The following CFAP46 variants were observed in gnomAD, a reference collection of about 807,000 sequenced individuals.
The protein encoded by CFAP46 is cilia- and flagella-associated protein 46.
CFAP46 carries 245 observed loss-of-function variants against 325.7 expected under a neutral mutation model. The observed-to-expected ratio is 0.75, with a 90% confidence interval of 0.68 to 0.84. The LOEUF is 0.84. CFAP46 is among the 40% of genes least tolerant of loss of function. The probability of loss-of-function intolerance (pLI) is 0.00; values close to 1 mark genes in which losing one functional copy is unlikely to be tolerated. For missense variants in CFAP46, 3,346 were observed against 3,543.0 expected (o/e 0.94, Z 1.41); for synonymous variants, 1,523 against 1,495.9 (o/e 1.02, Z -0.42).
At position 132,912,834 on chromosome 10, in the gene CFAP46, T is replaced by C; in HGVS notation, c.2334-14A>G. 6.5e-7 allele frequency: 1 copy of C among 1,546,444 alleles called. No individual in the cohort carries two copies. Among genetic ancestry groups the C allele is most frequent in the Non-Finnish European group, 8.7e-7 (1 of 1,146,338 alleles). ...ATCACGGGGTCCCTGGGAGACATGC[T>C]TGTCAGAGGGAACCTTGGCCCCCGC... is the stretch of plus-strand genomic sequence containing the variant. On this transcript the variant is annotated splice_polypyrimidine_tract_variant and intron_variant, in intron 18 of 57. Coordinates refer to ENST00000368586, the MANE Select transcript of CFAP46 (RefSeq NM_001200049.3).
chr10:132,934,790 A>G lies in CFAP46; in HGVS notation c.828T>C (p.His276=), dbSNP rs1003142348. The change falls in exon 8 of 58, where the codon CAT becomes CAC. Residue 276 remains histidine, a synonymous_variant. Coordinates refer to ENST00000368586, the MANE Select transcript of CFAP46 (RefSeq NM_001200049.3). Reference sequence around the variant, plus strand: ...TAGAGGGAAAGCGCTGGTGGTTGTAATGACCTAAGTGTCTGTAGGCCTTCC... The same window carrying G: ...TAGAGGGAAAGCGCTGGTGGTTGTAGTGACCTAAGTGTCTGTAGGCCTTCC... ...ILRKAYRHLG[H]YNHQRFPSIS... 6.2e-7 allele frequency: 1 copy of G among 1,612,656 alleles called. No individual in the cohort carries two copies. Among genetic ancestry groups the G allele is most frequent in the African/African-American group, 1.3e-5 (1 of 75,018 alleles).
rs1378396070 is a variant in CFAP46 at position 132,899,591 on chromosome 10, C to A, written c.3000G>T (p.Leu1000=). Residue 1000 remains leucine (L), a synonymous_variant, in exon 23 of 58, where the codon CTG becomes CTT. Coordinates refer to ENST00000368586, the MANE Select transcript of CFAP46 (RefSeq NM_001200049.3). The stretch of plus-strand genomic sequence containing the variant: ...CCAGTCGCAGCTGCTTCCGGCCCTT[C>A]AGGTTTTCCATGATGCTCCTGCCCT... ...AIQGRSIMEN[L]KGRKQLRLVA... is the part of the protein sequence containing the mutation. 6.5e-7 allele frequency: 1 copy of A among 1,549,892 alleles called. No individual in the cohort carries two copies. The highest frequency in any genetic ancestry group is 8.7e-7 in the Non-Finnish European group (1 of 1,146,970).
chr10:132,869,266 G>A lies in CFAP46; in HGVS notation c.4610+8C>T. 3 of 1,523,752 alleles carry A rather than the reference G, an allele frequency of 2.0e-6. No individual in the cohort carries two copies. Among genetic ancestry groups the A allele is most frequent in the East Asian group, 2.5e-5 (1 of 40,088 alleles). 94.4% of individuals were successfully genotyped at this position (1,523,752 alleles called of 1,614,324 possible). On this transcript the variant is annotated splice_region_variant and intron_variant, in intron 33 of 57. Coordinates refer to ENST00000368586, the MANE Select transcript of CFAP46 (RefSeq NM_001200049.3). The surrounding 1 kb of genome is among the most constrained non-coding windows in gnomAD (Gnocchi z 6.2). ...ACCCCAGGCGGCGCAGGGTGGGACG[G>A]CACACACCTGGCCTGCTCCAGCTCG... is the stretch of plus-strand genomic sequence containing the variant.
intron 19 of CFAP46, among the ~76,000 whole-genome samples, chr10:132,910,972 G>A (rs961279908): frequency 1.3e-5 from 2 of 152,188 alleles, no homozygotes; most frequent in Non-Finnish European, 2.9e-5. Flanking sequence ...CATTCACTCC[G>A]TGTTCCCGGG....
intron 50 of CFAP46, among the ~76,000 whole-genome samples, chr10:132,821,446 ATGTGTGCTG>A (rs1445229170): frequency 2.5e-5 from 2 of 80,038 alleles, no homozygotes; most frequent in Non-Finnish European, 4.6e-5. Flanking sequence ...GTGAGTGCTG[ATGTGTGCTG>A]TGTGTGCTGA....
Position 132,871,004 on chromosome 10 carries a change from G to A in CFAP46, c.4512-1632C>T, listed in dbSNP as rs566512688. Among the ~76,000 whole-genome samples the A allele has an allele frequency of 8.7e-4, 133 of 152,300 alleles. No homozygotes were observed. The Middle Eastern group carries it at 0.01, about 12-fold the overall frequency. On this transcript the variant is annotated intron_variant, in intron 32 of 57. Transcript: ENST00000368586. ...TCTTGCTAGGGGCTAACGCAGCCGG[G>A]GACTTTGAGTTGAAGCCAATCCTCA... is the stretch of plus-strand genomic sequence containing the variant.
intron 22 of CFAP46, among the ~76,000 whole-genome samples, chr10:132,902,364 T>C (rs1338416032): frequency 7.1e-6 from 1 of 140,354 alleles, no homozygotes; most frequent in African/African-American, 3.0e-5. Context: ...GTTTTCATAG[T>C]CCACTGGCCT....
Position 132,834,090 on chromosome 10 carries a change from C to G in CFAP46, c.6900G>C (p.Gly2300=), listed in dbSNP as rs756441519. Residue 2300 remains glycine, a synonymous_variant, in exon 49 of 58, where the codon GGG becomes GGC. Transcript: ENST00000368586. ...VQTPAVVADS[G]KSKGKDKERK... ...TCTCCTTGTCTTTGCCCTTCGACTT[C>G]CCTGAATCGGCAACAACCGCAGGTG... The G allele has an allele frequency of 3.2e-5, 52 of 1,614,048 alleles. No homozygotes were observed. The highest frequency in any genetic ancestry group is 4.2e-5 in the Non-Finnish European group (50 of 1,180,016).
At chr10:132,879,691 G>T in intron 28 of CFAP46, 60 bp from the exon 29 acceptor site, 1 of 1,423,796 alleles carries the variant, frequency 7.0e-7, no homozygotes. Flanking sequence ...TGGGCCCCAG[G>T]CCACTCCCTT....
chr10:132,910,255 C>G (rs545356307), intron 19 of CFAP46, among the ~76,000 whole-genome samples, 187 bp from the exon 20 acceptor site: 1 of 152,226 alleles, frequency 6.6e-6, no homozygotes, highest in African/African-American at 2.4e-5. Flanking sequence ...CACCCCCAGA[C>G]GCCGAGGACG....
At position 132,912,641 on chromosome 10, in the gene CFAP46, C is replaced by T; in HGVS notation, c.2499+14G>A. ...TCTCTCTCTCTCTCTCTCTCGGCAT[C>T]ATGGAGGTGGTACCTCCACCGCTGT... On this transcript the variant is annotated intron_variant, in intron 19 of 57. Transcript: ENST00000368586. 1 of 1,512,004 alleles carries T rather than the reference C, an allele frequency of 6.6e-7. No homozygotes were observed. The highest frequency in any genetic ancestry group is 8.9e-7 in the Non-Finnish European group (1 of 1,124,494). 93.7% of individuals were successfully genotyped at this position (1,512,004 alleles called of 1,614,324 possible).
intron 48 of CFAP46, 44 bp from the exon 49 acceptor site, chr10:132,834,167 C>A (rs577121268): frequency 2.7e-5 from 43 of 1,586,466 alleles, no homozygotes; most frequent in Non-Finnish European, 3.5e-5. Flanking sequence ...ACAGAGATAA[C>A]AAACGCTTGG....
chr10:132,921,696 G>T (rs1014099610), intron 13 of CFAP46, among the ~76,000 whole-genome samples: 11 of 152,224 alleles, frequency 7.2e-5, no homozygotes, highest in Non-Finnish European at 1.3e-4. Flanking sequence ...TCCTTCCAAA[G>T]GGAGGAAACG....
chr10:132,870,415 G>A (rs185157668), intron 32 of CFAP46, among the ~76,000 whole-genome samples: 61 of 152,268 alleles, frequency 4.0e-4, no homozygotes, highest in African/African-American at 1.3e-3. Context: ...AGGAAAGCGC[G>A]TCAGAAGTGG....
chr10:132,861,240 C>G (rs1848717186), intron 35 of CFAP46, among the ~76,000 whole-genome samples: 1 of 152,246 alleles, frequency 6.6e-6, no homozygotes, highest in South Asian at 2.1e-4. Context: ...GCCCGCCTCC[C>G]TGCCCTCCAG....
chr10:132,849,790 G>A (rs988041872), intron 41 of CFAP46, among the ~76,000 whole-genome samples: 1 of 152,196 alleles, frequency 6.6e-6, no homozygotes, highest in East Asian at 1.9e-4. Context: ...GGCTGGCCCT[G>A]CTGTGCACTG....
At chr10:132,875,553 A>G (rs1848946250) in intron 31 of CFAP46, among the ~76,000 whole-genome samples, 1 of 152,226 alleles carries the variant, frequency 6.6e-6, no homozygotes, top group South Asian at 2.1e-4. Context: ...AGAAAGCAAG[A>G]GAGACCCCAA....
At chr10:132,878,771 C>A (rs1010242113) in intron 29 of CFAP46, among the ~76,000 whole-genome samples, 1 of 152,164 alleles carries the variant, frequency 6.6e-6, no homozygotes, top group Admixed American at 6.5e-5. Context: ...GGGCGGTGGC[C>A]CTCTTGATCC....
rs1386305177 is a variant in CFAP46 at position 132,889,375 on chromosome 10, C to T, written c.3304+2958G>A. 6.6e-6 allele frequency among the ~76,000 whole-genome samples: 1 copy of T among 152,220 alleles called. No individual in the cohort carries two copies. Among genetic ancestry groups the T allele is most frequent in the East Asian group, 1.9e-4 (1 of 5,196 alleles). Reference sequence around the variant, plus strand: ...AAGGCACCCATGGCTAGGAGGGCGGCACCCCATTGGATGCTGGGATCTGTG... The same window carrying T: ...AAGGCACCCATGGCTAGGAGGGCGGTACCCCATTGGATGCTGGGATCTGTG... On this transcript the variant is annotated intron_variant, in intron 25 of 57. Coordinates refer to ENST00000368586, the MANE Select transcript of CFAP46 (RefSeq NM_001200049.3). This position sits in a 1 kb window ranked among gnomAD's most constrained non-coding sequence, Gnocchi z 6.0.
Sources: allele counts gnomAD v4.1 joint callset (sites outside exome capture counted in the v4.1 genomes callset), GRCh38; gene constraint gnomAD v4.1.1; non-coding constraint Gnocchi (gnomAD v3.1); transcripts MANE v1.5; gene names NCBI Gene and HGNC (gene_info 2026-07-23, HGNC 2026-07-21).